The following SPAG17 variants were observed in gnomAD, a reference collection of about 807,000 sequenced individuals.
SPAG17 encodes the protein sperm-associated antigen 17.
A neutral mutation model predicts 273.6 loss-of-function variants in SPAG17; 169 were observed. The ratio of observed to expected loss-of-function variants is 0.62; its 90% CI spans 0.55 to 0.70. The LOEUF (loss-of-function observed/expected upper bound fraction) is 0.70. Among genes scored for constraint, SPAG17 ranks in the 30% least tolerant of loss-of-function variants. The pLI is 0.00. For synonymous variants in SPAG17, 825 were observed against 873.2 expected (o/e 0.94, Z 0.97); for missense variants, 2,557 against 2,627.8 (o/e 0.97, Z 0.59).
At chr1:118,055,636 T>C (rs1651582243) in intron 19 of SPAG17, 97 bp downstream of exon 19, 1 of 1,086,650 alleles carries the variant, frequency 9.2e-7, no homozygotes, top group African/African-American at 1.6e-5. Context: ...TGGGTAATTC[T>C]TTTTAATATT....
intron 4 of SPAG17, among the ~76,000 whole-genome samples, chr1:118,104,087 C>G (rs998173371): frequency 1.4e-4 from 21 of 152,008 alleles, no homozygotes; most frequent in African/African-American, 4.8e-4. Context: ...AGTAGAGGAG[C>G]TCTATGATTT....
rs182302954 is a variant in SPAG17 at position 117,988,848 on chromosome 1, T to A, written c.5522-644A>T. 4.3e-3 allele frequency among the ~76,000 whole-genome samples: 662 copies of A among 152,286 alleles called. 2 individuals carry two copies. Among genetic ancestry groups the A allele is most frequent in the Middle Eastern group, 6.8e-3 (2 of 294 alleles). On this transcript the variant is annotated intron_variant, in intron 38 of 48. Coordinates refer to ENST00000336338, the MANE Select transcript of SPAG17 (RefSeq NM_206996.4). ...ATCCAAACTTATTTTAATATGAAAC[T>A]CATTTTTGGTGGAGTCTTCTCATAG...
chr1:117,983,775 C>T (rs1369992489), intron 42 of SPAG17, 36 bp downstream of exon 42: 9 of 1,428,948 alleles, frequency 6.3e-6, no homozygotes, highest in Middle Eastern at 3.5e-4. Flanking sequence ...CAGTTACGGA[C>T]ATTTAATAGG....
At chr1:117,991,824 G>GA (rs1289004727) in intron 36 of SPAG17, among the ~76,000 whole-genome samples, 1 of 152,184 alleles carries the variant, frequency 6.6e-6, no homozygotes, top group Non-Finnish European at 1.5e-5. Context: ...AAAATGGACA[G>GA]AATTGGGTTA....
At chr1:117,978,081 A>C (rs928980194) in intron 43 of SPAG17, among the ~76,000 whole-genome samples, 1 of 152,020 alleles carries the variant, frequency 6.6e-6, no homozygotes, top group Admixed American at 6.5e-5. Context: ...ACCACCTCCT[A>C]TTCTTCTAGC....
At chr1:118,135,340 A>G (rs1658279698) in intron 3 of SPAG17, among the ~76,000 whole-genome samples, 1 of 151,894 alleles carries the variant, frequency 6.6e-6, no homozygotes, top group South Asian at 2.1e-4. Flanking sequence ...AGCTGGAGAT[A>G]CTACAAAACT....
At chr1:118,151,205 T>A in intron 2 of SPAG17, 24 bp downstream of exon 2, 1 of 1,497,010 alleles carries the variant, frequency 6.7e-7, no homozygotes. Flanking sequence ...TTCAGGTGGC[T>A]TTGAGGTAGG....
In SPAG17 at chr1:118,084,700, T is replaced by TA. The variant is rs565940179; in HGVS notation, c.1762+1221dup. Among the ~76,000 whole-genome samples, 159 of 152,268 alleles carry TA rather than the reference T, an allele frequency of 1.0e-3. 2 individuals are homozygous for TA. Among genetic ancestry groups the TA allele is most frequent in the African/African-American group, 3.6e-3 (151 of 41,546 alleles). On this transcript the variant is annotated intron_variant, in intron 13 of 48. Transcript: ENST00000336338. Reference sequence around the variant, plus strand: ...TATCTCTAGGTGCAGAGCGGGTGCTTAAAATTGCAGATTGTACCATCAGAC... The same window carrying TA: ...TATCTCTAGGTGCAGAGCGGGTGCTTAAAAATTGCAGATTGTACCATCAGAC...
intron 1 of SPAG17, among the ~76,000 whole-genome samples, chr1:118,155,667 T>C (rs2102360008): frequency 6.6e-6 from 1 of 152,336 alleles, no homozygotes; most frequent in Non-Finnish European, 1.5e-5. Flanking sequence ...GACGTACAAA[T>C]GCCCCAGGTA....
At chr1:117,965,316 CTCT>C (rs1400243276) in intron 47 of SPAG17, 1 of 152,244 alleles carries the variant, frequency 6.6e-6, no homozygotes, top group South Asian at 2.1e-4. Context: ...TCTCCACTGG[CTCT>C]TCTTCCTCCT....
chr1:118,066,961 T>C, intron 17 of SPAG17, 62 bp from the exon 18 acceptor site: 2 of 1,475,090 alleles, frequency 1.4e-6, no homozygotes. Flanking sequence ...AAGGGTCTCC[T>C]ACTAGGGCAT....
At chr1:118,099,918 A>C in intron 5 of SPAG17, 118 bp from the exon 6 acceptor site, 1 of 821,462 alleles carries the variant, frequency 1.2e-6, no homozygotes. Flanking sequence ...GGCTTGCCAA[A>C]AATGATCCAG....
chr1:118,159,252 T>G (rs146991205), intron 1 of SPAG17, among the ~76,000 whole-genome samples: 11 of 152,356 alleles, frequency 7.2e-5, no homozygotes, highest in African/African-American at 2.2e-4. Flanking sequence ...TTACTGTGCA[T>G]GTATACACTG....
rs948084804 is a variant in SPAG17, at chr1:118,073,922, T to C, written c.2317A>G (p.Lys773Glu). The C allele has an allele frequency of 6.4e-7, 1 of 1,574,248 alleles. No individual in the cohort carries two copies. The highest frequency in any genetic ancestry group is 1.4e-5 in the African/African-American group (1 of 71,684). Reference sequence around the variant, plus strand: ...TCCATTAGACTGCGCTGCTGTGTTTTCTTTATGTCCTCTAAATCTGCTTCC... The same window carrying C: ...TCCATTAGACTGCGCTGCTGTGTTTCCTTTATGTCCTCTAAATCTGCTTCC... The part of the protein sequence containing the change: ...MVEADLEDIK[K>E]TQQRSLMDWS... Residue 773 changes from lysine to glutamate, a missense_variant, in exon 17 of 49, where the codon AAA becomes GAA. Transcript: ENST00000336338.
chr1:118,048,602 A>G (rs1650632076), intron 20 of SPAG17, among the ~76,000 whole-genome samples: 1 of 152,218 alleles, frequency 6.6e-6, no homozygotes, highest in Non-Finnish European at 1.5e-5. Flanking sequence ...GGTACCAAAG[A>G]AATACAAAGG....
At chr1:118,154,994 G>A (rs978592537) in intron 1 of SPAG17, among the ~76,000 whole-genome samples, 18 of 152,106 alleles carry the variant, frequency 1.2e-4, no homozygotes, top group African/African-American at 4.3e-4. Flanking sequence ...CTGTCACACC[G>A]AAAGCACCTT....
At chr1:118,061,583 G>A (rs1474153064) in intron 18 of SPAG17, among the ~76,000 whole-genome samples, 2 of 152,126 alleles carry the variant, frequency 1.3e-5, no homozygotes, top group African/African-American at 4.8e-5. Context: ...ATATGGTATT[G>A]TGCACTTGAA....
chr1:118,139,937 G>A (rs1036423978), intron 3 of SPAG17, among the ~76,000 whole-genome samples: 5 of 152,078 alleles, frequency 3.3e-5, no homozygotes, highest in Non-Finnish European at 7.4e-5. Flanking sequence ...ATGGATTACT[G>A]GGTTAATAGA....
At chr1:118,017,268 C>A (rs1660067031) in intron 28 of SPAG17, among the ~76,000 whole-genome samples, 1 of 152,098 alleles carries the variant, frequency 6.6e-6, no homozygotes, top group South Asian at 2.1e-4. Flanking sequence ...TATATTCTCC[C>A]TTTTTCTCCT....
Sources: allele counts gnomAD v4.1 joint callset (sites outside exome capture counted in the v4.1 genomes callset), GRCh38; gene constraint gnomAD v4.1.1; transcripts MANE v1.5; gene names NCBI Gene and HGNC (gene_info 2026-07-23, HGNC 2026-07-21).